Variants in MYO5B observed in about 807,000 individuals in gnomAD.
The protein encoded by MYO5B is unconventional myosin-Vb.
MYO5B carries 143 observed loss-of-function variants against 229.3 expected under a neutral mutation model. The observed-to-expected ratio is 0.62, with a 90% confidence interval of 0.54 to 0.72. The LOEUF (loss-of-function observed/expected upper bound fraction) is 0.72, where lower values mean the gene tolerates loss of function less well. Ranked by LOEUF, MYO5B falls within the 30% of genes least tolerant of loss-of-function variation. The pLI, the probability that MYO5B is intolerant of heterozygous loss-of-function variation, is 0.00. For synonymous variants in MYO5B, 918 were observed against 885.2 expected (o/e 1.04, Z -0.66); for missense variants, 2,321 against 2,331.0 (o/e 1.00, Z 0.09).
At chr18:49,828,368 T>TA (rs1252651801) in intron 39 of MYO5B, among the ~76,000 whole-genome samples, 1 of 152,176 alleles carries the variant, frequency 6.6e-6, no homozygotes, top group Admixed American at 6.5e-5. Context: ...TATATTTTAA[T>TA]AAAAGGTTCA....
chr18:50,035,114 C>G (rs905905874), intron 4 of MYO5B, among the ~76,000 whole-genome samples: 1 of 152,108 alleles, frequency 6.6e-6, no homozygotes, highest in African/African-American at 2.4e-5. Context: ...GCTTCAGGCA[C>G]GGCAGAGAAG....
At chr18:49,872,264 G>GAC in intron 26 of MYO5B, 32 bp from the exon 27 acceptor site, 1 of 1,608,380 alleles carries the variant, frequency 6.2e-7, no homozygotes. Flanking sequence ...GATAAGTGCA[G>GAC]ACCTCGAGCA....
intron 1 of MYO5B, among the ~76,000 whole-genome samples, chr18:50,179,708 A>G (rs115810637): frequency 0.013 from 1,939 of 152,332 alleles, 40 homozygotes; most frequent in African/African-American, 0.044. Flanking sequence ...CTCTAAAGCC[A>G]TGGAAGGCTT....
At chr18:49,869,451 C>T (rs1349392715) in intron 27 of MYO5B, among the ~76,000 whole-genome samples, 5 of 152,108 alleles carry the variant, frequency 3.3e-5, no homozygotes, top group African/African-American at 9.7e-5. Flanking sequence ...TCATCAGAGA[C>T]AATGCTGGGA....
intron 26 of MYO5B, 101 bp from the exon 27 acceptor site, chr18:49,872,333 G>T: frequency 2.6e-6 from 3 of 1,149,140 alleles, no homozygotes; most frequent in Non-Finnish European, 1.3e-6. Flanking sequence ...GCCTGTGCGT[G>T]AATACCCAAC....
At chr18:49,999,825 A>G (rs1328527614) in intron 5 of MYO5B, among the ~76,000 whole-genome samples, 1 of 152,228 alleles carries the variant, frequency 6.6e-6, no homozygotes, top group Admixed American at 6.5e-5. Context: ...TCTGGAGTGG[A>G]GTAGAGCAAT....
rs1403903439 is a variant in MYO5B at position 50,161,877 on chromosome 18, G to A, written c.27+32890C>T. ...GGAGAAAGCTGCTAGGGGAAAAACA[G>A]CATGAGTTTTTGAGAATTCAAAGAT... On this transcript the variant is annotated intron_variant, in intron 1 of 39. Coordinates refer to ENST00000285039, the MANE Select transcript of MYO5B (RefSeq NM_001080467.3). 2.0e-5 allele frequency among the ~76,000 whole-genome samples: 3 copies of A among 152,268 alleles called. No individual in the cohort carries two copies. In the East Asian group the frequency reaches 5.8e-4, roughly 29 times the overall value.
rs891599083 is a variant in MYO5B, at chr18:50,182,544, A to G, written c.27+12223T>C. ...AAATTAGGATATTCAAACACAAGGC[A>G]GTTAAATTAACTCTCACATCCATGA... On this transcript the variant is annotated intron_variant, in intron 1 of 39. Transcript: ENST00000285039. 6.6e-5 allele frequency among the ~76,000 whole-genome samples: 10 copies of G among 152,388 alleles called. No homozygotes were observed. The East Asian group carries it at 1.9e-3, about 29-fold the overall frequency.
intron 4 of MYO5B, among the ~76,000 whole-genome samples, chr18:50,004,452 G>A (rs1178160676): frequency 6.6e-6 from 1 of 152,240 alleles, no homozygotes; most frequent in East Asian, 1.9e-4. Flanking sequence ...ACGGATGTTA[G>A]ATCTGATGCT....
At chr18:49,863,397 G>A (rs2024355156) in intron 28 of MYO5B, 70 bp from the exon 29 acceptor site, 14 of 1,343,562 alleles carry the variant, frequency 1.0e-5, no homozygotes, top group Middle Eastern at 2.2e-4. Context: ...TATACAAACA[G>A]GTATAAAAAC....
intron 12 of MYO5B, 25 bp from the exon 13 acceptor site, chr18:49,954,460 A>G (rs1219532536): frequency 6.2e-6 from 10 of 1,613,570 alleles, no homozygotes; most frequent in Non-Finnish European, 8.5e-6. Flanking sequence ...GATAGGGCAG[A>G]GCGCTTTGTG....
intron 18 of MYO5B, among the ~76,000 whole-genome samples, chr18:49,907,721 A>G (rs1413780442): frequency 6.6e-6 from 1 of 152,268 alleles, no homozygotes; most frequent in Non-Finnish European, 1.5e-5. Context: ...CGGGTTCCAC[A>G]CACAGGGAAG....
At chr18:49,959,481 C>T (rs183091999) in intron 12 of MYO5B, among the ~76,000 whole-genome samples, 153 of 152,332 alleles carry the variant, frequency 1.0e-3, no homozygotes, top group East Asian at 1.5e-3. Context: ...CTCCTGACAG[C>T]AGGCTGGGCC....
chr18:50,088,752 G>A (rs530883008), intron 1 of MYO5B, among the ~76,000 whole-genome samples: 14 of 152,278 alleles, frequency 9.2e-5, no homozygotes, highest in African/African-American at 3.4e-4. Context: ...GTGATTTATA[G>A]CATAGCAATT....
intron 4 of MYO5B, among the ~76,000 whole-genome samples, chr18:50,011,349 G>A (rs1262815781): frequency 2.0e-5 from 3 of 152,078 alleles, no homozygotes; most frequent in Admixed American, 6.5e-5. Context: ...TCTCCAGGTG[G>A]CCTCTGAGGT....
chr18:50,032,948 T>C (rs1013561337), intron 4 of MYO5B, among the ~76,000 whole-genome samples: 5 of 151,908 alleles, frequency 3.3e-5, no homozygotes, highest in African/African-American at 4.8e-5. Context: ...GATTGCACCA[T>C]TGCACTCCAG....
chr18:50,069,210 A>G (rs746134679), intron 1 of MYO5B, among the ~76,000 whole-genome samples: 4 of 152,130 alleles, frequency 2.6e-5, no homozygotes, highest in Non-Finnish European at 4.4e-5. Context: ...TTGGATGTTT[A>G]AAACATACCC....
intron 39 of MYO5B, among the ~76,000 whole-genome samples, chr18:49,831,487 TA>T (rs2023921147): frequency 6.6e-6 from 1 of 152,138 alleles, no homozygotes; most frequent in Non-Finnish European, 1.5e-5. Context: ...AGAGAAGATA[TA>T]TACATGGCCA....
At chr18:49,835,677 A>G (rs1347444903) in intron 38 of MYO5B, among the ~76,000 whole-genome samples, 1 of 152,112 alleles carries the variant, frequency 6.6e-6, no homozygotes, top group Non-Finnish European at 1.5e-5. Flanking sequence ...CCTCCCCACT[A>G]TGCTCATTGG....
Sources: gnomAD v4.1 joint callset for allele counts (sites outside exome capture counted in the v4.1 genomes callset) on GRCh38, gnomAD v4.1.1 for gene constraint, MANE v1.5 for transcripts, NCBI Gene and HGNC (gene_info 2026-07-23, HGNC 2026-07-21) for gene names.